Variants in GPX2 observed in about 807,000 individuals in gnomAD.
GPX2 encodes the protein gastrointestinal glutathione peroxidase.
A neutral mutation model predicts 14.1 loss-of-function variants in GPX2; 21 were observed. The observed-to-expected ratio is 1.48, with a 90% CI of 1.05 to 2.14. GPX2 has a LOEUF of 2.14. Ranked by LOEUF, GPX2 falls within the 30% of genes most tolerant of loss-of-function variation. GPX2 has a pLI of 0.00. For synonymous variants in GPX2, 94 were observed against 95.2 expected, an observed-to-expected ratio of 0.99 and a Z score of 0.07; for missense variants, 241 against 249.8, an observed-to-expected ratio of 0.96 and a Z score of 0.24.
Position 64,939,756 on chromosome 14 carries a change from A to T in GPX2, c.305T>A (p.Val102Asp). The change falls in exon 2 of 2, where the codon GTC (valine) becomes GAC (aspartate). Residue 102 changes from valine (V) to aspartate (D), a missense_variant. Physicochemically the swap from Val to Asp is radical, Grantham distance 152. Transcript: ENST00000389614. The surrounding 1 kb of genome is among the most constrained non-coding windows in gnomAD (Gnocchi z 5.7). Reference sequence around the variant, plus strand: ...CTGCCCATTCACCTCACATTTTTGGACAAGGGTGAAGGTGGGCTGGTATCC... The same window carrying T: ...CTGCCCATTCACCTCACATTTTTGGTCAAGGGTGAAGGTGGGCTGGTATCC... ...GGGYQPTFTL[V>D]QKCEVNGQNE... The T allele has an allele frequency of 6.2e-7, 1 of 1,614,106 alleles. No individual in the cohort carries two copies. Among genetic ancestry groups the T allele is most frequent in the Non-Finnish European group, 8.5e-7 (1 of 1,180,020 alleles).
At chr14:64,941,660 T>C (rs1027051370) in intron 1 of GPX2, 1 of 639,412 alleles carries the variant, frequency 1.6e-6, no homozygotes, top group Non-Finnish European at 2.3e-6. Context: ...CCACTGTGAA[T>C]TGAACTAAGG....
In GPX2 at chr14:64,940,317, C is replaced by T. The variant is rs1007337136; in HGVS notation, c.223-479G>A. On this transcript the variant is annotated intron_variant, in intron 1 of 1. Transcript: ENST00000389614. This position sits in a 1 kb window ranked among gnomAD's most constrained non-coding sequence, Gnocchi z 4.5. ...TAAATCCATACCTACACACACACCC[C>T]TTTCCTTTCCTCTGCCCTGGTTTTG... 5 of 542,526 alleles carry T rather than the reference C, an allele frequency of 9.2e-6. No homozygotes were observed. Among genetic ancestry groups the T allele is most frequent in the Non-Finnish European group, 1.6e-5 (5 of 306,902 alleles). 33.6% of individuals were successfully genotyped at this position (542,526 alleles called of 1,614,324 possible).
intron 1 of GPX2, among the ~76,000 whole-genome samples, chr14:64,941,889 A>G (rs1885660893): frequency 6.6e-6 from 1 of 152,134 alleles, no homozygotes. Flanking sequence ...CCACTTGGCT[A>G]ATTTAAACCA....
Position 64,942,386 on chromosome 14 carries a change from A to G in GPX2, c.222+119T>C, listed in dbSNP as rs962647162. On this transcript the variant is annotated intron_variant, in intron 1 of 1. Transcript: ENST00000389614. Reference sequence around the variant, plus strand: ...CACATGCACCTAAAGACCTAGCTTAACAAAACATACCCCATTATTCCAGAC... The same window carrying G: ...CACATGCACCTAAAGACCTAGCTTAGCAAAACATACCCCATTATTCCAGAC... The G allele has an allele frequency of 1.3e-5, 10 of 773,678 alleles. No homozygotes were observed. The East Asian group carries it at 2.3e-4, about 18-fold the overall frequency. 47.9% of individuals were successfully genotyped at this position (773,678 alleles called of 1,614,324 possible). A position where few individuals can be genotyped will look rare whatever the true frequency, so the allele number is the denominator to read the frequency against.
In GPX2 at chr14:64,940,404, C is replaced by T. The variant is rs1314584029; in HGVS notation, c.223-566G>A. Reference sequence around the variant, plus strand: ...GCCTTTGCCTCTGCCTACTCAGCTCCTTGAACTGAGGGTGAAATTGAGACC... The same window carrying T: ...GCCTTTGCCTCTGCCTACTCAGCTCTTTGAACTGAGGGTGAAATTGAGACC... On this transcript the variant is annotated intron_variant, in intron 1 of 1. Transcript: ENST00000389614. This position sits in a 1 kb window ranked among gnomAD's most constrained non-coding sequence, Gnocchi z 4.5. 6.6e-6 allele frequency among the ~76,000 whole-genome samples: 1 copy of T among 152,154 alleles called. No individual in the cohort carries two copies. Among genetic ancestry groups the T allele is most frequent in the East Asian group, 1.9e-4 (1 of 5,200 alleles).
rs753142728 is a variant in GPX2 at position 64,942,541 on chromosome 14, C to T, written c.186G>A (p.Val62=). The part of the protein sequence containing the change: ...ELQCRFPRRL[V]VLGFPCNQFG... ...ATTGGTTGCAAGGGAAGCCAAGGAC[C>T]ACCAGGCGCCTGGGAAAGCGGCATT... The change falls in exon 1 of 2, where the codon GTG becomes GTA. Residue 62 remains valine, a synonymous_variant. Coordinates refer to ENST00000389614, the MANE Select transcript of GPX2 (RefSeq NM_002083.4). 1.2e-6 allele frequency: 2 copies of T among 1,614,190 alleles called. No individual in the cohort carries two copies. The highest frequency in any genetic ancestry group is 8.5e-7 in the Non-Finnish European group (1 of 1,180,028).
Position 64,942,068 on chromosome 14 carries a change from G to A in GPX2, c.222+437C>T, listed in dbSNP as rs550177345. Among the ~76,000 whole-genome samples, 11 of 152,274 alleles carry A rather than the reference G, an allele frequency of 7.2e-5. No individual in the cohort carries two copies. In the South Asian group the frequency reaches 1.5e-3, roughly 20 times the overall value. On this transcript the variant is annotated intron_variant, in intron 1 of 1. Transcript: ENST00000389614. ...AGGAAACTAAACCGAAAAATGAAGC[G>A]CCCTTTCCGAGGGCACAGAGCCATT...
In GPX2 at chr14:64,940,320, T is replaced by C. The variant is rs2139941439; in HGVS notation, c.223-482A>G. The C allele has an allele frequency of 1.9e-6, 1 of 537,856 alleles. No homozygotes were observed. The highest frequency in any genetic ancestry group is 3.3e-6 in the Non-Finnish European group (1 of 302,768). The allele number at this position is 537,856 out of a possible 1,614,324, so 33.3% of individuals were successfully genotyped here. ...ATCCATACCTACACACACACCCCTT[T>C]CCTTTCCTCTGCCCTGGTTTTGCCT... On this transcript the variant is annotated intron_variant, in intron 1 of 1. Coordinates refer to ENST00000389614, the MANE Select transcript of GPX2 (RefSeq NM_002083.4). This position sits in a 1 kb window ranked among gnomAD's most constrained non-coding sequence, Gnocchi z 4.5.
chr14:64,940,279 AC>A lies in GPX2; in HGVS notation c.223-442del, dbSNP rs557480177. 1.8e-4 allele frequency: 141 copies of A among 803,590 alleles called. 2 individuals are homozygous for A. In the South Asian group the frequency reaches 1.9e-3, roughly 11 times the overall value. The allele number at this position is 803,590 out of a possible 1,614,324, so 49.8% of individuals were successfully genotyped here. On this transcript the variant is annotated intron_variant, in intron 1 of 1. Coordinates refer to ENST00000389614, the MANE Select transcript of GPX2 (RefSeq NM_002083.4). The surrounding 1 kb of genome is among the most constrained non-coding windows in gnomAD (Gnocchi z 4.5). The stretch of plus-strand genomic sequence containing the variant: ...AACCTCCTCTTCAACTAACCTACCG[AC>A]CCACCTACCCATAAATCCATACCTA...
Position 64,940,147 on chromosome 14 carries a change from G to A in GPX2, c.223-309C>T, listed in dbSNP as rs1273414245. 1.5e-5 allele frequency: 20 copies of A among 1,361,014 alleles called. No individual in the cohort carries two copies. The Admixed American group carries it at 4.4e-4, about 30-fold the overall frequency. The allele number at this position is 1,361,014 out of a possible 1,614,324, so 84.3% of individuals were successfully genotyped here. ...TGCCCATGCTTTGGCTGCTCTTCAA[G>A]ATTTAGCACTTCTGAGCTGTTGCTT... On this transcript the variant is annotated intron_variant, in intron 1 of 1. Coordinates refer to ENST00000389614, the MANE Select transcript of GPX2 (RefSeq NM_002083.4). The surrounding 1 kb of genome is among the most constrained non-coding windows in gnomAD (Gnocchi z 4.5).
Position 64,939,429 on chromosome 14 carries a change from A to C in GPX2, c.*59T>G. Reference sequence around the variant, plus strand: ...GCAGTGTCTCCTGAAGGCATGCTGCATCCTAAGGCTCCTCAGGACTGGATG... The same window carrying C: ...GCAGTGTCTCCTGAAGGCATGCTGCCTCCTAAGGCTCCTCAGGACTGGATG... On this transcript the variant is annotated 3_prime_UTR_variant, in exon 2 of 2. Coordinates refer to ENST00000389614, the MANE Select transcript of GPX2 (RefSeq NM_002083.4). This position sits in a 1 kb window ranked among gnomAD's most constrained non-coding sequence, Gnocchi z 5.7. 2 of 1,346,044 alleles carry C rather than the reference A, an allele frequency of 1.5e-6. No individual in the cohort carries two copies. Among genetic ancestry groups the C allele is most frequent in the Middle Eastern group, 1.9e-4 (1 of 5,346 alleles). The allele number at this position is 1,346,044 out of a possible 1,614,324, so 83.4% of individuals were successfully genotyped here.
rs1484823422 is a variant in GPX2 at position 64,940,267 on chromosome 14, A to G, written c.223-429T>C. The G allele has an allele frequency of 1.8e-5, 17 of 964,594 alleles. No homozygotes were observed. Among genetic ancestry groups the G allele is most frequent in the Non-Finnish European group, 2.0e-5 (14 of 692,026 alleles). The allele number at this position is 964,594 out of a possible 1,614,324, so 59.8% of individuals were successfully genotyped here. A position where few individuals can be genotyped will look rare whatever the true frequency, so the allele number is the denominator to read the frequency against. The stretch of plus-strand genomic sequence containing the variant: ...TATACTGCTTAGAACCTCCTCTTCA[A>G]CTAACCTACCGACCCACCTACCCAT... On this transcript the variant is annotated intron_variant, in intron 1 of 1. Transcript: ENST00000389614. The surrounding 1 kb of genome is among the most constrained non-coding windows in gnomAD (Gnocchi z 4.5).
rs1396708192 is a variant in GPX2 at position 64,940,186 on chromosome 14, A to C, written c.223-348T>G. 1 of 1,320,218 alleles carries C rather than the reference A, an allele frequency of 7.6e-7. No individual in the cohort carries two copies. The highest frequency in any genetic ancestry group is 4.9e-5 in the East Asian group (1 of 20,578). 81.8% of individuals were successfully genotyped at this position (1,320,218 alleles called of 1,614,324 possible). The stretch of plus-strand genomic sequence containing the variant: ...GAGCTGTTGCTTTTGTCTCCAGTCT[A>C]CCCTGAGCAGTTCTTAAGGTGTTTG... On this transcript the variant is annotated intron_variant, in intron 1 of 1. Coordinates refer to ENST00000389614, the MANE Select transcript of GPX2 (RefSeq NM_002083.4). This position sits in a 1 kb window ranked among gnomAD's most constrained non-coding sequence, Gnocchi z 4.5.
chr14:64,940,029 G>A lies in GPX2; in HGVS notation c.223-191C>T, dbSNP rs1885541823. Reference sequence around the variant, plus strand: ...ACTTCTGGGCTCAAGCATTCCTCCTGCTTCAGCCTCTTTAGTAGCTGAGAC... The same window carrying A: ...ACTTCTGGGCTCAAGCATTCCTCCTACTTCAGCCTCTTTAGTAGCTGAGAC... On this transcript the variant is annotated intron_variant, in intron 1 of 1. Transcript: ENST00000389614. This position sits in a 1 kb window ranked among gnomAD's most constrained non-coding sequence, Gnocchi z 4.5. 1 of 1,478,946 alleles carries A rather than the reference G, an allele frequency of 6.8e-7. No homozygotes were observed. The highest frequency in any genetic ancestry group is 1.4e-5 in the African/African-American group (1 of 70,456). 91.6% of individuals were successfully genotyped at this position (1,478,946 alleles called of 1,614,324 possible). A position where few individuals can be genotyped will look rare whatever the true frequency, so the allele number is the denominator to read the frequency against.
intron 1 of GPX2, chr14:64,941,648 T>C: frequency 4.0e-6 from 3 of 743,404 alleles, no homozygotes; most frequent in Non-Finnish European, 5.6e-6. Flanking sequence ...CTCACCTTCA[T>C]ACCACTGTGA....
Position 64,942,705 on chromosome 14 carries a change from A to T in GPX2, c.22T>A (p.Phe8Ile), listed in dbSNP as rs1253198824. Residue 8 changes from phenylalanine to isoleucine, a missense_variant, in exon 1 of 2, where the codon TTC (phenylalanine) becomes ATC (isoleucine). By Grantham distance (21) the Phe-to-Ile change is conservative. Transcript: ENST00000389614. MAFIAKS[F>I]YDLSAISLDG... ...AGGCTGATGGCACTGAGGTCATAGA[A>T]GGACTTGGCAATGAAAGCCATGGTG... The T allele has an allele frequency of 2.5e-6, 4 of 1,614,088 alleles. No individual in the cohort carries two copies. Among genetic ancestry groups the T allele is most frequent in the Admixed American group, 1.7e-5 (1 of 60,020 alleles).
In GPX2 at chr14:64,940,587, T is replaced by G. The variant is rs1460230982; in HGVS notation, c.223-749A>C. The stretch of plus-strand genomic sequence containing the variant: ...AGCAAGTTCAAGGCAACAATGAATG[T>G]GTACTCTAAATGGAACTACTTAGTA... On this transcript the variant is annotated intron_variant, in intron 1 of 1. Transcript: ENST00000389614. The surrounding 1 kb of genome is among the most constrained non-coding windows in gnomAD (Gnocchi z 4.5). 6.6e-6 allele frequency among the ~76,000 whole-genome samples: 1 copy of G among 152,228 alleles called. No homozygotes were observed. Among genetic ancestry groups the G allele is most frequent in the African/African-American group, 2.4e-5 (1 of 41,458 alleles).
chr14:64,942,473 C>A, intron 1 of GPX2, 32 bp downstream of exon 1: 1 of 1,567,348 alleles, frequency 6.4e-7, no homozygotes, highest in Admixed American at 1.7e-5. Context: ...CAACCCAACA[C>A]TTTTGGTGCA....
At position 64,939,974 on chromosome 14, in the gene GPX2, C is replaced by T; in HGVS notation, c.223-136G>A. On this transcript the variant is annotated intron_variant, in intron 1 of 1. Coordinates refer to ENST00000389614, the MANE Select transcript of GPX2 (RefSeq NM_002083.4). The surrounding 1 kb of genome is among the most constrained non-coding windows in gnomAD (Gnocchi z 5.7). ...CACTGTGAAAGAGAGAGAGACAAGA[C>T]AGACGAGGTGTTGCTCACTGCAGCC... The T allele has an allele frequency of 2.0e-6, 3 of 1,469,684 alleles. No homozygotes were observed. The highest frequency in any genetic ancestry group is 2.4e-5 in the Admixed American group (1 of 41,494). 91.0% of individuals were successfully genotyped at this position (1,469,684 alleles called of 1,614,324 possible). A position where few individuals can be genotyped will look rare whatever the true frequency, so the allele number is the denominator to read the frequency against.
Sources: gnomAD v4.1 joint callset for allele counts (sites outside exome capture counted in the v4.1 genomes callset) on GRCh38, gnomAD v4.1.1 for gene constraint, Gnocchi (gnomAD v3.1) non-coding constraint, MANE v1.5 for transcripts, NCBI Gene and HGNC (gene_info 2026-07-23, HGNC 2026-07-21) for gene names.